Variants in GRM3 observed in about 807,000 individuals in gnomAD.
The protein encoded by GRM3 is metabotropic glutamate receptor 3.
GRM3 carries 26 observed loss-of-function variants against 70.5 expected under a neutral mutation model. The ratio of observed to expected loss-of-function variants is 0.37; its 90% CI spans 0.27 to 0.51. The LOEUF (loss-of-function observed/expected upper bound fraction) is 0.51, where lower values mean the gene tolerates loss of function less well. GRM3 is among the 20% of genes least tolerant of loss of function. The pLI, the probability that GRM3 is intolerant of heterozygous loss-of-function variation, is 0.93. For synonymous variants in GRM3, 443 were observed against 434.9 expected, an observed-to-expected ratio of 1.02 and a Z score of -0.23; for missense variants, 859 against 1,123.8, an observed-to-expected ratio of 0.76 and a Z score of 3.37.
intron 1 of GRM3, among the ~76,000 whole-genome samples, chr7:86,746,375 A>ATATATATATATATATATATATAT (rs1562846667): frequency 1.5e-5 from 2 of 137,152 alleles, no homozygotes; most frequent in Non-Finnish European, 3.1e-5. Flanking sequence ...ATATATATAT[A>ATATATATATATATATATATATAT]ATCACTTCAA....
chr7:86,672,552 C>G (rs761959778), intron 1 of GRM3, among the ~76,000 whole-genome samples: 4 of 152,010 alleles, frequency 2.6e-5, no homozygotes, highest in Admixed American at 6.6e-5. Context: ...CCTCCAGATA[C>G]GACCTCATCT....
At chr7:86,691,667 C>T (rs886612679) in intron 1 of GRM3, among the ~76,000 whole-genome samples, 17 of 152,130 alleles carry the variant, frequency 1.1e-4, no homozygotes, top group Non-Finnish European at 2.2e-4. Flanking sequence ...TTAATAATGC[C>T]TTTACCATGG....
At chr7:86,758,050 C>T (rs1796390544) in intron 1 of GRM3, among the ~76,000 whole-genome samples, 1 of 152,160 alleles carries the variant, frequency 6.6e-6, no homozygotes, top group African/African-American at 2.4e-5. Flanking sequence ...TTACTGCTGA[C>T]TACCATCTTG....
chr7:86,768,432 A>G (rs1201480024), intron 2 of GRM3, among the ~76,000 whole-genome samples: 1 of 152,338 alleles, frequency 6.6e-6, no homozygotes, highest in East Asian at 1.9e-4. Context: ...TAGAGCAAAC[A>G]CTAAAGTCAT....
intron 1 of GRM3, 101 bp from the exon 2 acceptor site, chr7:86,764,905 G>C: frequency 1.4e-6 from 1 of 696,738 alleles, no homozygotes; most frequent in Admixed American, 3.7e-5. Context: ...TTTAGTAAAT[G>C]GTTTTCTGAG....
intron 1 of GRM3, among the ~76,000 whole-genome samples, chr7:86,699,917 A>C (rs1179649436): frequency 6.6e-6 from 1 of 151,922 alleles, no homozygotes; most frequent in Non-Finnish European, 1.5e-5. Context: ...TAAATTTGAT[A>C]ATTTTGAGAG....
intron 3 of GRM3, among the ~76,000 whole-genome samples, chr7:86,831,023 C>T (rs1024031514): frequency 1.3e-5 from 2 of 152,176 alleles, no homozygotes; most frequent in African/African-American, 2.4e-5. Flanking sequence ...GAGAGATTCT[C>T]CCTCACAGTC....
intron 2 of GRM3, among the ~76,000 whole-genome samples, chr7:86,778,332 A>T (rs1298863128): frequency 6.6e-6 from 1 of 152,224 alleles, no homozygotes; most frequent in African/African-American, 2.4e-5. Context: ...GCACAAATTC[A>T]GAAGCCAATA....
chr7:86,692,323 T>A (rs1333026839), intron 1 of GRM3, among the ~76,000 whole-genome samples: 1 of 152,228 alleles, frequency 6.6e-6, no homozygotes, highest in Non-Finnish European at 1.5e-5. Flanking sequence ...TCTGTCTACA[T>A]AATCTGGCCC....
chr7:86,857,020 G>A (rs1336684396), intron 5 of GRM3, among the ~76,000 whole-genome samples: 1 of 151,890 alleles, frequency 6.6e-6, no homozygotes, highest in Non-Finnish European at 1.5e-5. Flanking sequence ...ACTCTCAAAG[G>A]CTGCTATATT....
chr7:86,836,298 TAAGTA>T (rs1440740000), intron 3 of GRM3, among the ~76,000 whole-genome samples: 2 of 152,168 alleles, frequency 1.3e-5, no homozygotes, highest in African/African-American at 4.8e-5. Flanking sequence ...GAATTTGCTC[TAAGTA>T]AATAACTAGA....
chr7:86,793,927 T>C (rs1797486740), intron 3 of GRM3, among the ~76,000 whole-genome samples: 1 of 152,090 alleles, frequency 6.6e-6, no homozygotes, highest in African/African-American at 2.4e-5. Context: ...ATGAAAGAAA[T>C]GGATCATACC....
intron 1 of GRM3, among the ~76,000 whole-genome samples, chr7:86,702,113 A>T (rs1315506622): frequency 1.3e-5 from 2 of 152,084 alleles, no homozygotes; most frequent in Admixed American, 1.3e-4. Context: ...AAATAATAAA[A>T]AAAGAAGTCC....
At chr7:86,703,088 A>G (rs557160094) in intron 1 of GRM3, among the ~76,000 whole-genome samples, 26 of 152,114 alleles carry the variant, frequency 1.7e-4, no homozygotes, top group African/African-American at 3.9e-4. Context: ...CCTGACAATG[A>G]GACAAAATAT....
chr7:86,858,111 C>T (rs1329078921), intron 5 of GRM3, among the ~76,000 whole-genome samples: 2 of 152,030 alleles, frequency 1.3e-5, no homozygotes, highest in Non-Finnish European at 2.9e-5. Flanking sequence ...CACCCGCCAC[C>T]ACGCACGGCT....
chr7:86,659,427 A>G (rs1445259237), intron 1 of GRM3, among the ~76,000 whole-genome samples: 1 of 152,118 alleles, frequency 6.6e-6, no homozygotes, highest in Non-Finnish European at 1.5e-5. Flanking sequence ...TGGAAGAGGA[A>G]AGTGAAGTAC....
At chr7:86,856,087 T>C (rs1362961562) in intron 5 of GRM3, among the ~76,000 whole-genome samples, 1 of 152,208 alleles carries the variant, frequency 6.6e-6, no homozygotes, top group Non-Finnish European at 1.5e-5. Flanking sequence ...GCTGCTTTCA[T>C]GGAGAATATA....
intron 1 of GRM3, among the ~76,000 whole-genome samples, chr7:86,732,403 G>T (rs1268025565): frequency 6.9e-6 from 1 of 145,942 alleles, no homozygotes; most frequent in East Asian, 2.0e-4. Flanking sequence ...GTGGGGGCTG[G>T]AAAAATGAAC....
At chr7:86,696,615 G>A (rs1794823463) in intron 1 of GRM3, among the ~76,000 whole-genome samples, 1 of 152,100 alleles carries the variant, frequency 6.6e-6, no homozygotes, top group Non-Finnish European at 1.5e-5. Context: ...TATACCATCA[G>A]TACCTTCTAT....
Sources: allele counts gnomAD v4.1 joint callset (sites outside exome capture counted in the v4.1 genomes callset), GRCh38; gene constraint gnomAD v4.1.1; transcripts MANE v1.5; gene names NCBI Gene and HGNC (gene_info 2026-07-23, HGNC 2026-07-21).